Variants in CLCA4 observed in about 807,000 individuals in gnomAD.
CLCA4 encodes the protein chloride channel accessory 4.
A neutral mutation model predicts 78.9 loss-of-function variants in CLCA4; 69 were observed. The observed-to-expected ratio is 0.87, with a 90% CI of 0.72 to 1.07. The LOEUF is 1.07. CLCA4 is among the 50% of genes least tolerant of loss of function. The pLI is 0.00. For missense variants in CLCA4, 1,133 were observed against 1,095.8 expected, an observed-to-expected ratio of 1.03 and a Z score of -0.48; for synonymous variants, 362 against 375.8, an observed-to-expected ratio of 0.96 and a Z score of 0.42.
At position 86,579,515 on chromosome 1, in the gene CLCA4, G is replaced by T; in HGVS notation, c.2284G>T (p.Asp762Tyr). 1 of 1,613,218 alleles carries T rather than the reference G, an allele frequency of 6.2e-7. No homozygotes were observed. Among genetic ancestry groups the T allele is most frequent in the Non-Finnish European group, 8.5e-7 (1 of 1,179,462 alleles). Reference sequence around the variant, plus strand: ...CCCACCAAGTCAAATCACAGACCTTGATGCCACAGTTCATGAGGATAAGAT... The same window carrying T: ...CCCACCAAGTCAAATCACAGACCTTTATGCCACAGTTCATGAGGATAAGAT... ...QYPPSQITDL[D>Y]ATVHEDKIIL... The change falls in exon 13 of 14, where the codon GAT becomes TAT. Residue 762 changes from aspartate (D) to tyrosine (Y), a missense_variant. Coordinates refer to ENST00000370563, the MANE Select transcript of CLCA4 (RefSeq NM_012128.4).
At chr1:86,547,640 T>G (rs1649540897) in intron 1 of CLCA4, among the ~76,000 whole-genome samples, 1 of 152,152 alleles carries the variant, frequency 6.6e-6, no homozygotes, top group South Asian at 2.1e-4. Flanking sequence ...CTTTGCAGCC[T>G]CTAATAAGTA....
chr1:86,579,409 C>G lies in CLCA4; in HGVS notation c.2178C>G (p.Thr726=). The part of the protein sequence containing the change: ...RPEIDEDTQT[T]LEDFSRTASG... ...AAATTGATGAGGATACTCAGACCAC[C>G]TTGGAGGATTTCAGCCGAACAGCAT... Residue 726 remains threonine (T), a synonymous_variant, in exon 13 of 14, where the codon ACC becomes ACG. Transcript: ENST00000370563. 5 of 1,613,266 alleles carry G rather than the reference C, an allele frequency of 3.1e-6. No homozygotes were observed. Among genetic ancestry groups the G allele is most frequent in the Non-Finnish European group, 4.2e-6 (5 of 1,179,528 alleles).
intron 1 of CLCA4, among the ~76,000 whole-genome samples, chr1:86,558,765 A>T (rs909580590): frequency 2.0e-5 from 3 of 152,146 alleles, no homozygotes; most frequent in Non-Finnish European, 4.4e-5. Flanking sequence ...GACCACCCCC[A>T]TGATTCAATT....
In CLCA4 at chr1:86,548,094, A is replaced by T. The variant is rs1045604684; in HGVS notation, c.159+816A>T. Among the ~76,000 whole-genome samples the T allele has an allele frequency of 1.6e-4, 24 of 152,136 alleles. 1 individual carries two copies. The highest frequency in any genetic ancestry group is 2.8e-4 in the Non-Finnish European group (19 of 68,022). On this transcript the variant is annotated intron_variant, in intron 1 of 13. Transcript: ENST00000370563. ...GTATATAATAGGTCTCTTTCTCCAC[A>T]TCCTTGTCAGCACTTTTTTTGTCTT... is the stretch of plus-strand genomic sequence containing the variant.
intron 1 of CLCA4, among the ~76,000 whole-genome samples, chr1:86,557,892 G>A: frequency 6.6e-6 from 1 of 151,638 alleles, no homozygotes; most frequent in East Asian, 1.9e-4. Context: ...TATATATTTA[G>A]AATAGTTAGA....
At chr1:86,549,042 T>C (rs1450361522) in intron 1 of CLCA4, among the ~76,000 whole-genome samples, 2 of 152,232 alleles carry the variant, frequency 1.3e-5, no homozygotes, top group Non-Finnish European at 2.9e-5. Flanking sequence ...CCATGCAGTG[T>C]ATCTTCTTTT....
chr1:86,580,442 T>C lies in CLCA4; in HGVS notation c.*97T>C. The C allele has an allele frequency of 1.0e-6, 1 of 954,760 alleles. No individual in the cohort carries two copies. Among genetic ancestry groups the C allele is most frequent in the East Asian group, 2.7e-5 (1 of 36,994 alleles). The allele number at this position is 954,760 out of a possible 1,614,324, so 59.1% of individuals were successfully genotyped here. On this transcript the variant is annotated 3_prime_UTR_variant, in exon 14 of 14. Coordinates refer to ENST00000370563, the MANE Select transcript of CLCA4 (RefSeq NM_012128.4). ...GGATATTTCTGAATCTTAAAATTCA[T>C]CCCATGTGTGATCATAAACTCATAA...
intron 1 of CLCA4, among the ~76,000 whole-genome samples, chr1:86,550,643 C>CA (rs1008830030): frequency 6.6e-6 from 1 of 151,632 alleles, no homozygotes; most frequent in African/African-American, 2.4e-5. Flanking sequence ...GTATCACAGT[C>CA]AGAGGTAAGA....
chr1:86,550,878 C>T (rs1308584234), intron 1 of CLCA4, among the ~76,000 whole-genome samples: 1 of 147,908 alleles, frequency 6.8e-6, no homozygotes, highest in Admixed American at 6.8e-5. Context: ...GTCCCCCAGG[C>T]TGGAGTGCAG....
intron 1 of CLCA4, among the ~76,000 whole-genome samples, chr1:86,547,692 C>T (rs1390476329): frequency 2.6e-5 from 4 of 152,058 alleles, no homozygotes; most frequent in Admixed American, 2.0e-4. Flanking sequence ...TGGTTTAGTT[C>T]CTGCATATGC....
chr1:86,560,329 G>GA lies in CLCA4; in HGVS notation c.426dup (p.Gln143ThrfsTer3), dbSNP rs1194960391. 12 of 1,613,392 alleles carry GA rather than the reference G, an allele frequency of 7.4e-6. No homozygotes were observed. Among genetic ancestry groups the GA allele is most frequent in the African/African-American group, 5.3e-5 (4 of 74,830 alleles). ...CACTTCACCCCTGACCTTCTACTTG[G>GA]AAAAAAACAAAATGAATATGGACCA... On this transcript the variant is annotated frameshift_variant, in exon 3 of 14. Transcript: ENST00000370563. LOFTEE classifies it high-confidence loss of function.
At chr1:86,551,014 G>A (rs1649643840) in intron 1 of CLCA4, among the ~76,000 whole-genome samples, 1 of 151,684 alleles carries the variant, frequency 6.6e-6, no homozygotes, top group African/African-American at 2.4e-5. Context: ...TGTATTTTTA[G>A]TAGAGACGGG....
Position 86,565,346 on chromosome 1 carries a change from C to T in CLCA4, c.630C>T (p.Cys210=). The change falls in exon 5 of 14, where the codon TGC becomes TGT. Residue 210 remains cysteine, a synonymous_variant. Coordinates refer to ENST00000370563, the MANE Select transcript of CLCA4 (RefSeq NM_012128.4). ...GAGGCAGCTGTCTTAGTAGAGCATG[C>T]AGAATTGATTCTACAACAAAACTGT... ...CQGGSCLSRA[C]RIDSTTKLYG... is the part of the protein sequence containing the mutation. 1 of 1,608,082 alleles carries T rather than the reference C, an allele frequency of 6.2e-7. No homozygotes were observed. The highest frequency in any genetic ancestry group is 8.5e-7 in the Non-Finnish European group (1 of 1,175,354).
At chr1:86,563,904 T>A in intron 4 of CLCA4, 135 bp downstream of exon 4, 2 of 518,574 alleles carry the variant, frequency 3.9e-6, no homozygotes, top group South Asian at 6.7e-5. Context: ...TTTTAGAAAG[T>A]GTATCTTTAA....
chr1:86,576,153 T>C (rs371565312), intron 11 of CLCA4, among the ~76,000 whole-genome samples: 1 of 151,918 alleles, frequency 6.6e-6, no homozygotes, highest in East Asian at 1.9e-4. Context: ...TGTTGAATTT[T>C]TTTGTTTGTT....
At chr1:86,552,276 T>A (rs1334689877) in intron 1 of CLCA4, among the ~76,000 whole-genome samples, 1 of 152,154 alleles carries the variant, frequency 6.6e-6, no homozygotes, top group East Asian at 1.9e-4. Context: ...AAATCACCTG[T>A]CTGAATGTAA....
intron 1 of CLCA4, among the ~76,000 whole-genome samples, chr1:86,552,409 G>A (rs967978385): frequency 6.6e-6 from 1 of 152,202 alleles, no homozygotes. Context: ...CAGGAGAACA[G>A]CCATCTCTGC....
At position 86,559,976 on chromosome 1, in the gene CLCA4, A is replaced by C. The variant is rs779652527; in HGVS notation, c.204A>C (p.Glu68Asp). 6 of 1,608,882 alleles carry C rather than the reference A, an allele frequency of 3.7e-6. No homozygotes were observed. Among genetic ancestry groups the C allele is most frequent in the African/African-American group, 1.3e-5 (1 of 74,634 alleles). The change falls in exon 2 of 14, where the codon GAA becomes GAC. Residue 68 changes from glutamate to aspartate, a missense_variant. Glu to Asp is a conservative substitution (Grantham distance 45, BLOSUM62 2). Coordinates refer to ENST00000370563, the MANE Select transcript of CLCA4 (RefSeq NM_012128.4). ...CTACGTACCTGTTTGAAGCCACAGA[A>C]AAAAGATTTTTTTTCAAAAATGTAT... The part of the protein sequence containing the change: ...TASTYLFEAT[E>D]KRFFFKNVSI...
chr1:86,549,091 A>T (rs1649584479), intron 1 of CLCA4, among the ~76,000 whole-genome samples: 1 of 152,102 alleles, frequency 6.6e-6, no homozygotes. Flanking sequence ...CACAGGTCAG[A>T]TGGTGGTAGT....
Sources: gnomAD v4.1 joint callset for allele counts (sites outside exome capture counted in the v4.1 genomes callset) on GRCh38, gnomAD v4.1.1 for gene constraint, MANE v1.5 for transcripts, NCBI Gene and HGNC (gene_info 2026-07-23, HGNC 2026-07-21) for gene names.